ACLY: variants seen among roughly 807,000 people sequenced by gnomAD.
The protein encoded by ACLY is ATP citrate lyase.
In ACLY, 41 loss-of-function variants were observed where a neutral mutation model predicts 133.0. The ratio of observed to expected loss-of-function variants is 0.31; its 90% CI spans 0.24 to 0.40. ACLY has a LOEUF of 0.40. Among genes scored for constraint, ACLY ranks in the 10% least tolerant of loss-of-function variants. The pLI is 1.00. For missense variants in ACLY, 1,046 were observed against 1,453.8 expected (o/e 0.72, Z 4.56); for synonymous variants, 495 against 549.3 (o/e 0.90, Z 1.38).
intron 1 of ACLY, among the ~76,000 whole-genome samples, chr17:41,929,869 T>TGG (rs1202437937): frequency 4.6e-5 from 7 of 151,956 alleles, no homozygotes; most frequent in African/African-American, 1.5e-4. Flanking sequence ...GTATGCCGTG[T>TGG]GTGTGTGTGT....
At chr17:41,912,012 G>T (rs2049916313) in intron 3 of ACLY, among the ~76,000 whole-genome samples, 1 of 151,820 alleles carries the variant, frequency 6.6e-6, no homozygotes, top group Admixed American at 6.6e-5. Flanking sequence ...TACTCAGAAG[G>T]CTGGGGCTAG....
rs781923056 is a variant in ACLY, at chr17:41,898,704, C to T, written c.1265G>A (p.Arg422Gln). 39 of 1,613,658 alleles carry T rather than the reference C, an allele frequency of 2.4e-5. No individual in the cohort carries two copies. The highest frequency in any genetic ancestry group is 1.7e-4 in the Middle Eastern group (1 of 6,058). Residue 422 changes from arginine to glutamine, a missense_variant, in exon 12 of 29, where the codon CGG (arginine) becomes CAG (glutamine). Transcript: ENST00000352035. ...TAIVGMALGH[R>Q]PIPNQPPTAA... ...TGTGGGTGGCTGGTTGGGGATGGGC[C>T]GGTGGCCCAGGGCCATGCCCACAAT...
At chr17:41,912,357 C>T (rs1162316988) in intron 3 of ACLY, 63 bp downstream of exon 3, 1 of 1,589,054 alleles carries the variant, frequency 6.3e-7, no homozygotes, top group Non-Finnish European at 8.6e-7. Context: ...AGCTGCTGAC[C>T]TGGAGGTGAC....
chr17:41,867,727 G>T lies in ACLY; in HGVS notation c.*83C>A, dbSNP rs781825172. 32 of 1,127,092 alleles carry T rather than the reference G, an allele frequency of 2.8e-5. No homozygotes were observed. Among genetic ancestry groups the T allele is most frequent in the Non-Finnish European group, 3.7e-5 (29 of 788,260 alleles). 69.8% of individuals were successfully genotyped at this position (1,127,092 alleles called of 1,614,324 possible). On this transcript the variant is annotated 3_prime_UTR_variant, in exon 29 of 29. Coordinates refer to ENST00000352035, the MANE Select transcript of ACLY (RefSeq NM_001096.3). ...TCCAGGCCCCTGCTAAATAAAGCAGGCTCCACTGCCAGCTGTCTGTACACT... is the reference window on the plus strand; with the variant it reads ...TCCAGGCCCCTGCTAAATAAAGCAGTCTCCACTGCCAGCTGTCTGTACACT...
intron 1 of ACLY, among the ~76,000 whole-genome samples, chr17:41,918,158 C>T (rs1313763022): frequency 6.6e-6 from 1 of 152,200 alleles, no homozygotes; most frequent in East Asian, 1.9e-4. Context: ...CCCTTGAGGA[C>T]CTTTCCCCGG....
At chr17:41,911,158 T>C (rs1055277224) in intron 3 of ACLY, among the ~76,000 whole-genome samples, 1 of 152,172 alleles carries the variant, frequency 6.6e-6, no homozygotes, top group African/African-American at 2.4e-5. Flanking sequence ...GGCCAGAAAC[T>C]GGGAAATTAA....
intron 22 of ACLY, 26 bp from the exon 23 acceptor site, chr17:41,873,991 G>A (rs559615450): frequency 3.2e-6 from 5 of 1,570,318 alleles, no homozygotes; most frequent in Admixed American, 3.5e-5. Flanking sequence ...GAAGAGGGAA[G>A]CAGGGCCCTG....
At position 41,887,593 on chromosome 17, in the gene ACLY, G is replaced by A; in HGVS notation, c.1875+6C>T. On this transcript the variant is annotated splice_donor_region_variant and intron_variant, in intron 17 of 28. Coordinates refer to ENST00000352035, the MANE Select transcript of ACLY (RefSeq NM_001096.3). ...ACGTAAAAGGCTTTCCGGAGGGGAA[G>A]CTCACAGTGGCAGGTCCGATGATGG... 1 of 1,613,204 alleles carries A rather than the reference G, an allele frequency of 6.2e-7. No homozygotes were observed. The highest frequency in any genetic ancestry group is 8.5e-7 in the Non-Finnish European group (1 of 1,179,270).
At chr17:41,911,765 G>A (rs1216692261) in intron 3 of ACLY, among the ~76,000 whole-genome samples, 2 of 152,148 alleles carry the variant, frequency 1.3e-5, no homozygotes, top group Non-Finnish European at 2.9e-5. Flanking sequence ...GTAGTGAGAT[G>A]TGAACATGCC....
intron 16 of ACLY, among the ~76,000 whole-genome samples, chr17:41,888,326 G>C (rs1338613746): frequency 6.6e-6 from 1 of 152,138 alleles, no homozygotes; most frequent in Non-Finnish European, 1.5e-5. Flanking sequence ...AGTCATAGCA[G>C]CTACGTTCAC....
At chr17:41,886,358 C>A in intron 17 of ACLY, 50 bp from the exon 18 acceptor site, 1 of 1,532,030 alleles carries the variant, frequency 6.5e-7, no homozygotes. Flanking sequence ...TCCAGATTCA[C>A]CACAAAGAAT....
Position 41,869,563 on chromosome 17 carries a change from G to A in ACLY, c.2962C>T (p.Gln988Ter). Reference protein sequence around the residue: ...KSINNPDMRVQILKDYVRQHF... With the variant: ...KSINNPDMRV Reference sequence around the variant, plus strand: ...TGCCTGACGTAATCTTTGAGGATCTGCACTCGCATGTCTGGGTTGTTTATC... The same window carrying A: ...TGCCTGACGTAATCTTTGAGGATCTACACTCGCATGTCTGGGTTGTTTATC... Residue 988 changes from glutamine (Q) to a stop codon, truncating the protein, a stop_gained, in exon 26 of 29, where the codon CAG (glutamine) becomes TAG (stop). Transcript: ENST00000352035. LOFTEE classifies it high-confidence loss of function. The A allele has an allele frequency of 1.2e-6, 2 of 1,614,094 alleles. No individual in the cohort carries two copies. The highest frequency in any genetic ancestry group is 1.7e-6 in the Non-Finnish European group (2 of 1,179,968).
At position 41,872,197 on chromosome 17, in the gene ACLY, A is replaced by T. The variant is rs8071627; in HGVS notation, c.2643-15T>A. On this transcript the variant is annotated splice_polypyrimidine_tract_variant and intron_variant, in intron 23 of 28. Coordinates refer to ENST00000352035, the MANE Select transcript of ACLY (RefSeq NM_001096.3). ...ACTTAGGCAACCTGGAGTGGGGGGA[A>T]CAAAGGCCAGGAGATGGTCGACAAG... 0.76 allele frequency: 1,229,835 copies of T among 1,609,300 alleles called. 471,956 individuals carry two copies. Among genetic ancestry groups the T allele is most frequent in the Admixed American group, 0.87 (52,242 of 59,960 alleles).
chr17:41,909,441 A>G (rs2049828959), intron 5 of ACLY, 69 bp downstream of exon 5: 2 of 1,536,466 alleles, frequency 1.3e-6, no homozygotes, highest in Non-Finnish European at 1.8e-6. Context: ...TGCTCTCCCC[A>G]GTCTGTGCCC....
intron 18 of ACLY, 88 bp downstream of exon 18, chr17:41,886,024 G>A: frequency 1.5e-6 from 2 of 1,335,252 alleles, no homozygotes; most frequent in Non-Finnish European, 1.1e-6. Context: ...GAACTCAGGG[G>A]CAGCAAGCAG....
chr17:41,868,683 C>G (rs782549342), intron 28 of ACLY, 26 bp downstream of exon 28: 1 of 1,599,026 alleles, frequency 6.3e-7, no homozygotes, highest in East Asian at 2.3e-5. Context: ...AAAAAAAACA[C>G]TTAAAACAAC....
At chr17:41,877,017 G>C (rs1555626308) in intron 22 of ACLY, among the ~76,000 whole-genome samples, 1 of 151,820 alleles carries the variant, frequency 6.6e-6, no homozygotes, top group Admixed American at 6.6e-5. Context: ...CATTTCCAGA[G>C]TTGAGGCAAA....
chr17:41,906,192 T>C (rs1383139044), intron 8 of ACLY, among the ~76,000 whole-genome samples: 1 of 152,178 alleles, frequency 6.6e-6, no homozygotes, highest in Non-Finnish European at 1.5e-5. Context: ...ATACAGTAAC[T>C]TGCTAACTGG....
chr17:41,903,056 T>A lies in ACLY; in HGVS notation c.1066-1243A>T, dbSNP rs200226348. Among the ~76,000 whole-genome samples the A allele has an allele frequency of 8.5e-5, 13 of 152,314 alleles. No individual in the cohort carries two copies. The East Asian group carries it at 2.5e-3, about 29-fold the overall frequency. On this transcript the variant is annotated intron_variant, in intron 10 of 28. Transcript: ENST00000352035. ...TGCCTGCCTCAGCCTCTCAAAGTGC[T>A]AGAATTATAGTTATAAGCCACCACG...
Sources: allele counts gnomAD v4.1 joint callset (sites outside exome capture counted in the v4.1 genomes callset), GRCh38; gene constraint gnomAD v4.1.1; transcripts MANE v1.5; gene names NCBI Gene and HGNC (gene_info 2026-07-23, HGNC 2026-07-21).